The following SLC37A3 variants were observed in gnomAD, a reference collection of about 807,000 sequenced individuals.
SLC37A3 encodes the protein sugar phosphate exchanger 3.
A neutral mutation model predicts 67.1 loss-of-function variants in SLC37A3; 51 were observed. The ratio of observed to expected loss-of-function variants is 0.76; its 90% CI spans 0.61 to 0.96. The LOEUF is 0.96. SLC37A3 is among the 40% of genes least tolerant of loss of function. The pLI is 0.00. For synonymous variants in SLC37A3, 214 were observed against 231.4 expected, an observed-to-expected ratio of 0.92 and a Z score of 0.68; for missense variants, 508 against 603.0, an observed-to-expected ratio of 0.84 and a Z score of 1.65.
Position 140,361,686 on chromosome 7 carries a change from T to C in SLC37A3, c.375+2722A>G, listed in dbSNP as rs1417910693. Reference sequence around the variant, plus strand: ...GCCTCAGCCTGCCGAGTGCCTGCGATTGCAGGCGCGCGCCGCCACGCCTGA... The same window carrying C: ...GCCTCAGCCTGCCGAGTGCCTGCGACTGCAGGCGCGCGCCGCCACGCCTGA... On this transcript the variant is annotated intron_variant, in intron 5 of 14. Transcript: ENST00000326232. 4.7e-5 allele frequency among the ~76,000 whole-genome samples: 7 copies of C among 150,482 alleles called. No homozygotes were observed. In the East Asian group the frequency reaches 1.2e-3, roughly 26 times the overall value.
chr7:140,369,651 G>T lies in SLC37A3; in HGVS notation c.230C>A (p.Ala77Glu). ...GCCGAGGAAAAGAGTCGCTTTCTCTGCACTGGGGAACAAATGGTTGCTGCT... is the reference window on the plus strand; with the variant it reads ...GCCGAGGAAAAGAGTCGCTTTCTCTTCACTGGGGAACAAATGGTTGCTGCT... ...IWSSNHLFPS[A>E]EKATLFLGTL... is the part of the protein sequence containing the mutation. Residue 77 changes from alanine (A) to glutamate (E), a missense_variant, in exon 4 of 15, where the codon GCA (alanine) becomes GAA (glutamate). Transcript: ENST00000326232. The T allele has an allele frequency of 6.2e-7, 1 of 1,613,590 alleles. No homozygotes were observed. The highest frequency in any genetic ancestry group is 8.5e-7 in the Non-Finnish European group (1 of 1,179,760).
intron 4 of SLC37A3, among the ~76,000 whole-genome samples, chr7:140,366,738 T>C (rs1307023441): frequency 6.6e-6 from 1 of 152,134 alleles, no homozygotes; most frequent in East Asian, 1.9e-4. Flanking sequence ...ATGGGGATTT[T>C]ATACAGAAAA....
At chr7:140,360,033 A>G (rs1156485498) in intron 5 of SLC37A3, among the ~76,000 whole-genome samples, 1 of 152,210 alleles carries the variant, frequency 6.6e-6, no homozygotes, top group Non-Finnish European at 1.5e-5. Context: ...TTTTACTTAC[A>G]CTCAAATGAC....
At chr7:140,395,344 C>T (rs1340158563) in intron 1 of SLC37A3, among the ~76,000 whole-genome samples, 2 of 142,194 alleles carry the variant, frequency 1.4e-5, no homozygotes, top group East Asian at 4.1e-4. Context: ...CACTGCACTC[C>T]AGCCTTGGTG....
In SLC37A3 at chr7:140,398,526, G is replaced by C. The variant is rs538825506; in HGVS notation, c.-181C>G. ...AGCTCACCCCTGGCGGTGCGACCAG[G>C]GTTTCCGGACGCCCACGTGACCCTC... is the stretch of plus-strand genomic sequence containing the variant. On this transcript the variant is annotated 5_prime_UTR_variant, in exon 1 of 15. Coordinates refer to ENST00000326232, the MANE Select transcript of SLC37A3 (RefSeq NM_207113.3). 1 of 152,118 alleles carries C rather than the reference G, an allele frequency of 6.6e-6. No homozygotes were observed. The highest frequency in any genetic ancestry group is 1.5e-5 in the Non-Finnish European group (1 of 68,044). 9.4% of individuals were successfully genotyped at this position (152,118 alleles called of 1,614,324 possible).
At chr7:140,359,928 C>A (rs556446880) in intron 5 of SLC37A3, among the ~76,000 whole-genome samples, 58 of 152,206 alleles carry the variant, frequency 3.8e-4, no homozygotes, top group African/African-American at 1.3e-3. Flanking sequence ...AAAGTCTGTA[C>A]ACAGGTTTTA....
chr7:140,390,497 A>G (rs1337470377), intron 1 of SLC37A3, among the ~76,000 whole-genome samples: 1 of 152,044 alleles, frequency 6.6e-6, no homozygotes, highest in East Asian at 1.9e-4. Flanking sequence ...TTGTTCCCCA[A>G]GGCCGTTTCT....
intron 1 of SLC37A3, among the ~76,000 whole-genome samples, chr7:140,391,620 G>A (rs574765117): frequency 6.6e-6 from 1 of 152,270 alleles, no homozygotes; most frequent in Admixed American, 6.5e-5. Context: ...TCCCTCCCCT[G>A]TGGAGTTCTA....
chr7:140,351,301 T>C lies in SLC37A3; in HGVS notation c.854A>G (p.Gln285Arg). Residue 285 changes from glutamine to arginine, a missense_variant, in exon 9 of 15, where the codon CAG becomes CGG. Transcript: ENST00000326232. Reference protein sequence around the residue: ...VAQVKAISFYQACCLPGVIPY... With the variant: ...VAQVKAISFYRACCLPGVIPY... ...TATGACTCCAGGAAGGCAACATGCCTGGTAGAAGCTTATCGCCTTGACTTG... is the reference window on the plus strand; with the variant it reads ...TATGACTCCAGGAAGGCAACATGCCCGGTAGAAGCTTATCGCCTTGACTTG... The C allele has an allele frequency of 6.2e-7, 1 of 1,614,164 alleles. No individual in the cohort carries two copies.
rs2116987936 is a variant in SLC37A3 at position 140,335,012 on chromosome 7, C to T, written c.*400G>A. 2 of 503,320 alleles carry T rather than the reference C, an allele frequency of 4.0e-6. No individual in the cohort carries two copies. The highest frequency in any genetic ancestry group is 3.7e-5 in the East Asian group (1 of 27,328). 31.2% of individuals were successfully genotyped at this position (503,320 alleles called of 1,614,324 possible). On this transcript the variant is annotated 3_prime_UTR_variant, in exon 15 of 15. Coordinates refer to ENST00000326232, the MANE Select transcript of SLC37A3 (RefSeq NM_207113.3). ...TGATCTCTTCCATTTGTGGAACATA[C>T]CACCAACACAAACCACGCGTGGCTT...
At chr7:140,388,857 G>A (rs780993913) in intron 1 of SLC37A3, among the ~76,000 whole-genome samples, 19 of 151,730 alleles carry the variant, frequency 1.3e-4, no homozygotes, top group Non-Finnish European at 2.6e-4. Context: ...ACTTTCCAAA[G>A]CAAGTTCACA....
chr7:140,378,305 C>T (rs1798110988), intron 3 of SLC37A3, among the ~76,000 whole-genome samples: 1 of 152,162 alleles, frequency 6.6e-6, no homozygotes, highest in Admixed American at 6.5e-5. Context: ...AAGCATCCAC[C>T]TCACACAACA....
At chr7:140,355,543 T>A in intron 7 of SLC37A3, 125 bp downstream of exon 7, 1 of 870,936 alleles carries the variant, frequency 1.1e-6, no homozygotes, top group South Asian at 1.7e-5. Flanking sequence ...ATACAAGCCT[T>A]GCCCTATCCA....
chr7:140,362,789 C>G (rs1797402450), intron 5 of SLC37A3, among the ~76,000 whole-genome samples: 1 of 92,712 alleles, frequency 1.1e-5, no homozygotes, highest in Non-Finnish European at 2.4e-5. Context: ...GGATCAGCCC[C>G]CCGCCTGGCC....
At chr7:140,387,888 C>T (rs1424874470) in intron 1 of SLC37A3, among the ~76,000 whole-genome samples, 3 of 101,740 alleles carry the variant, frequency 2.9e-5, no homozygotes, top group African/African-American at 1.1e-4. Flanking sequence ...ATAGTCCCAG[C>T]CACTCCAGAG....
chr7:140,345,083 T>G (rs1796500883), intron 12 of SLC37A3, 133 bp downstream of exon 12: 184 of 716,714 alleles, frequency 2.6e-4, no homozygotes, highest in East Asian at 4.4e-4. Context: ...AAGGAGGCGT[T>G]TTTCCTTTTA....
intron 14 of SLC37A3, 46 bp from the exon 15 acceptor site, chr7:140,335,550 T>C (rs1409397877): frequency 2.0e-5 from 32 of 1,593,970 alleles, no homozygotes; most frequent in Middle Eastern, 1.8e-4. Context: ...AGTTTACTTC[T>C]GTTAGAGTGT....
chr7:140,341,324 A>G (rs1234124733), intron 13 of SLC37A3, among the ~76,000 whole-genome samples: 3 of 152,264 alleles, frequency 2.0e-5, no homozygotes, highest in Admixed American at 2.0e-4. Flanking sequence ...ATGTGTCAAC[A>G]AAAGCACTAA....
chr7:140,355,061 C>T (rs1030826775), intron 7 of SLC37A3, among the ~76,000 whole-genome samples: 2 of 151,492 alleles, frequency 1.3e-5, no homozygotes, highest in South Asian at 2.1e-4. Flanking sequence ...AGTCCTTTAT[C>T]TGTAACATGA....
Sources: allele counts gnomAD v4.1 joint callset (sites outside exome capture counted in the v4.1 genomes callset), GRCh38; gene constraint gnomAD v4.1.1; transcripts MANE v1.5; gene names NCBI Gene and HGNC (gene_info 2026-07-23, HGNC 2026-07-21).